Variants in GARNL3 observed in about 807,000 individuals in gnomAD.
GARNL3 encodes GTPase activating Rap/RanGAP domain like 3.
GARNL3 carries 63 observed loss-of-function variants against 125.0 expected under a neutral mutation model. The ratio of observed to expected loss-of-function variants is 0.50; its 90% CI spans 0.41 to 0.62. The LOEUF (loss-of-function observed/expected upper bound fraction) is 0.62. Among genes scored for constraint, GARNL3 ranks in the 20% least tolerant of loss-of-function variants. The pLI is 0.00. For synonymous variants in GARNL3, 439 were observed against 457.5 expected (o/e 0.96, Z 0.52); for missense variants, 994 against 1,244.0 (o/e 0.80, Z 3.02).
At position 127,334,321 on chromosome 9, in the gene GARNL3, G is replaced by GT. The variant is rs1234796225; in HGVS notation, c.770-908dup. 2.0e-5 allele frequency among the ~76,000 whole-genome samples: 3 copies of GT among 152,188 alleles called. No individual in the cohort carries two copies. The East Asian group carries it at 5.8e-4, about 29-fold the overall frequency. On this transcript the variant is annotated intron_variant, in intron 9 of 27. Coordinates refer to ENST00000373387, the MANE Select transcript of GARNL3 (RefSeq NM_032293.5). ...TTGATCTTCACAGTCAGTCCTTGAG[G>GT]TAAGTCAGGCAGCGGGTGTGAGGCC...
At chr9:127,270,369 G>T (rs929743184) in intron 1 of GARNL3, among the ~76,000 whole-genome samples, 2 of 152,146 alleles carry the variant, frequency 1.3e-5, no homozygotes, top group African/African-American at 4.8e-5. Context: ...GCTGTTCATT[G>T]TACTTCAAGG....
chr9:127,378,384 C>T lies in GARNL3; in HGVS notation c.2162-5054C>T, dbSNP rs150300589. On this transcript the variant is annotated intron_variant, in intron 22 of 27. Coordinates refer to ENST00000373387, the MANE Select transcript of GARNL3 (RefSeq NM_032293.5). Reference sequence around the variant, plus strand: ...GGCAGATCACCTGAGGTCGGGAGTTCAAGACCAGCCTGGCCAACTTGGAGA... The same window carrying T: ...GGCAGATCACCTGAGGTCGGGAGTTTAAGACCAGCCTGGCCAACTTGGAGA... 2.7e-3 allele frequency among the ~76,000 whole-genome samples: 410 copies of T among 152,126 alleles called. 5 individuals carry two copies. The East Asian group carries it at 0.029, about 11-fold the overall frequency.
At chr9:127,312,545 G>A (rs1015644292) in intron 3 of GARNL3, among the ~76,000 whole-genome samples, 3 of 152,120 alleles carry the variant, frequency 2.0e-5, no homozygotes, top group African/African-American at 7.2e-5. Flanking sequence ...ACAGGAGTGT[G>A]GTTAATGACA....
intron 1 of GARNL3, among the ~76,000 whole-genome samples, chr9:127,238,562 C>G (rs2063150806): frequency 6.6e-6 from 1 of 152,204 alleles, no homozygotes; most frequent in African/African-American, 2.4e-5. Flanking sequence ...AAAACACTTT[C>G]CATAGGAGAA....
Position 127,321,365 on chromosome 9 carries a change from C to T in GARNL3, c.567+587C>T, listed in dbSNP as rs1204956030. ...CTCCTGACCTCAGGTGATCCACCTG[C>T]CTCAGGCTCCCAAAGGTGCTGAGAT... On this transcript the variant is annotated intron_variant, in intron 6 of 27. Coordinates refer to ENST00000373387, the MANE Select transcript of GARNL3 (RefSeq NM_032293.5). 2.0e-5 allele frequency among the ~76,000 whole-genome samples: 3 copies of T among 152,308 alleles called. No individual in the cohort carries two copies. In the East Asian group the frequency reaches 5.8e-4, roughly 29 times the overall value.
chr9:127,352,175 G>A (rs890214831), intron 17 of GARNL3, among the ~76,000 whole-genome samples: 2 of 152,236 alleles, frequency 1.3e-5, no homozygotes, highest in Non-Finnish European at 2.9e-5. Flanking sequence ...CACTGGTGAA[G>A]AGAGCATGGC....
At chr9:127,225,795 T>TCCGTGGCCCGGCTCGCCCTGGCGC (rs2062899215) in intron 1 of GARNL3, among the ~76,000 whole-genome samples, 1 of 149,372 alleles carries the variant, frequency 6.7e-6, no homozygotes, top group African/African-American at 2.5e-5. Context: ...ACCTGCTGCC[T>TCCGTGGCCCGGCTCGCCCTGGCGC]CCGCGGCCCC....
At chr9:127,372,361 G>A (rs561754853) in intron 22 of GARNL3, among the ~76,000 whole-genome samples, 2 of 152,288 alleles carry the variant, frequency 1.3e-5, no homozygotes, top group African/African-American at 4.8e-5. Flanking sequence ...TTGTGGGGCT[G>A]AGGATACAAG....
intron 1 of GARNL3, among the ~76,000 whole-genome samples, chr9:127,277,079 G>A (rs1369914512): frequency 6.6e-6 from 1 of 152,212 alleles, no homozygotes; most frequent in African/African-American, 2.4e-5. Flanking sequence ...GGCTGCTCCA[G>A]TGCCCCTCAA....
intron 17 of GARNL3, among the ~76,000 whole-genome samples, chr9:127,351,275 A>G (rs890222696): frequency 6.6e-6 from 1 of 152,176 alleles, no homozygotes; most frequent in Non-Finnish European, 1.5e-5. Flanking sequence ...TTTTTATCTT[A>G]AGGATCCAAA....
chr9:127,350,167 T>C (rs555477621), intron 17 of GARNL3, among the ~76,000 whole-genome samples: 1 of 152,334 alleles, frequency 6.6e-6, no homozygotes, highest in African/African-American at 2.4e-5. Context: ...AATTTAAAAT[T>C]CATAAATTTA....
chr9:127,263,696 G>A, upstream of GARNL3: 1 of 1,137,902 alleles, frequency 8.8e-7, no homozygotes, highest in South Asian at 4.1e-5. Flanking sequence ...GTAATATCTG[G>A]AACACTTTCA....
At chr9:127,390,115 C>T (rs966122202) in intron 26 of GARNL3, among the ~76,000 whole-genome samples, 1 of 152,148 alleles carries the variant, frequency 6.6e-6, no homozygotes, top group Non-Finnish European at 1.5e-5. Flanking sequence ...CCTGCATGAA[C>T]GTTGGCCTGG....
At chr9:127,264,516 T>G (rs2063660190), upstream of GARNL3, 2 of 1,002,978 alleles carry the variant, frequency 2.0e-6, no homozygotes, top group Non-Finnish European at 2.4e-6. Context: ...GCTGGTTATT[T>G]TTATGTTGCA....
intron 1 of GARNL3, among the ~76,000 whole-genome samples, chr9:127,235,178 C>A (rs1324171986): frequency 6.6e-6 from 1 of 150,748 alleles, no homozygotes. Context: ...AGAAAGTTTC[C>A]TTTTTTCCCA....
At chr9:127,282,319 A>G (rs2064126630) in intron 1 of GARNL3, among the ~76,000 whole-genome samples, 1 of 152,236 alleles carries the variant, frequency 6.6e-6, no homozygotes, top group Non-Finnish European at 1.5e-5. Context: ...TATATTAATC[A>G]CTATCATATT....
rs183547605 is a variant in GARNL3, at chr9:127,392,703, T to A, written c.2871-380T>A. Among the ~76,000 whole-genome samples the A allele has an allele frequency of 2.7e-3, 417 of 152,162 alleles. 4 individuals are homozygous for A. The highest frequency in any genetic ancestry group is 9.7e-3 in the African/African-American group (402 of 41,486). ...GAGGAGCTGGAGGAAACAGAGGGAGTCAGGGGTGCCCTGGGAGGCTGGAGG... is the reference window on the plus strand; with the variant it reads ...GAGGAGCTGGAGGAAACAGAGGGAGACAGGGGTGCCCTGGGAGGCTGGAGG... On this transcript the variant is annotated intron_variant, in intron 27 of 27. Transcript: ENST00000373387. The surrounding 1 kb of genome is among the most constrained non-coding windows in gnomAD (Gnocchi z 5.2).
intron 1 of GARNL3, among the ~76,000 whole-genome samples, chr9:127,272,622 G>C (rs2131298010): frequency 6.6e-6 from 1 of 152,090 alleles, no homozygotes; most frequent in Non-Finnish European, 1.5e-5. Context: ...TGGGACTACA[G>C]GTGCACACCA....
intron 21 of GARNL3, 124 bp downstream of exon 21, chr9:127,357,501 T>G: frequency 1.1e-5 from 10 of 888,934 alleles, no homozygotes; most frequent in African/African-American, 1.7e-5. Flanking sequence ...ACATCAGTAT[T>G]ATGTGATTCA....
Sources: gnomAD v4.1 joint callset for allele counts (sites outside exome capture counted in the v4.1 genomes callset) on GRCh38, gnomAD v4.1.1 for gene constraint, Gnocchi (gnomAD v3.1) non-coding constraint, MANE v1.5 for transcripts, NCBI Gene and HGNC (gene_info 2026-07-23, HGNC 2026-07-21) for gene names.